Variants in TMEM74 observed in about 807,000 individuals in gnomAD.
The protein encoded by TMEM74 is transmembrane protein 74.
Under a neutral mutation model 18.1 loss-of-function variants are expected in TMEM74, and 13 were observed. That is an observed-to-expected ratio of 0.72 (90% confidence interval 0.47 to 1.14). The LOEUF is 1.14. TMEM74 is among the 50% of genes most tolerant of loss of function. The pLI is 0.00. For missense variants in TMEM74, 372 were observed against 375.9 expected (o/e 0.99, Z 0.09); for synonymous variants, 159 against 146.6 (o/e 1.08, Z -0.61).
At position 108,718,316 on chromosome 8, in the gene TMEM74, G is replaced by A. The variant is rs150684968; in HGVS notation, n.120-62879C>T. On this transcript the variant is annotated intron_variant and non_coding_transcript_variant, in intron 1 of 3. Transcript: ENST00000518838. ...TGTACTGTGAATAGATGAAAGAGTG[G>A]TACCAGTTAGAAAAATATGCAGTGT... is the stretch of plus-strand genomic sequence containing the variant. 4.1e-3 allele frequency among the ~76,000 whole-genome samples: 623 copies of A among 152,118 alleles called. 7 individuals are homozygous for A. Among genetic ancestry groups the A allele is most frequent in the African/African-American group, 0.014 (588 of 41,468 alleles).
intron 1 of TMEM74, among the ~76,000 whole-genome samples, chr8:108,736,754 C>T (rs369161029): frequency 3.3e-4 from 50 of 152,180 alleles, no homozygotes; most frequent in African/African-American, 1.2e-3. Flanking sequence ...TTCACCACAC[C>T]TCTATTTACC....
chr8:108,734,159 T>TA lies in TMEM74; in HGVS notation n.119+53316dup, dbSNP rs1055668014. On this transcript the variant is annotated intron_variant and non_coding_transcript_variant, in intron 1 of 3. Transcript: ENST00000518838. The stretch of plus-strand genomic sequence containing the variant: ...CCAGTTAGCAGGAGGCCTGAATAGA[T>TA]AAAAAGGCAGAGGAAAGATGAATTC... Among the ~76,000 whole-genome samples, 21 of 152,054 alleles carry TA rather than the reference T, an allele frequency of 1.4e-4. 1 individual carries two copies. Among genetic ancestry groups the TA allele is most frequent in the Non-Finnish European group, 3.1e-4 (21 of 68,016 alleles).
chr8:108,634,223 T>TA (rs959343767), intron 2 of TMEM74, among the ~76,000 whole-genome samples: 1 of 151,748 alleles, frequency 6.6e-6, no homozygotes, highest in Non-Finnish European at 1.5e-5. Flanking sequence ...GAAGCCACAA[T>TA]AAAAAACTCT....
intron 1 of TMEM74, among the ~76,000 whole-genome samples, chr8:108,737,015 T>C (rs910105670): frequency 1.3e-5 from 2 of 152,148 alleles, no homozygotes; most frequent in African/African-American, 2.4e-5. Context: ...CGTTTAACTT[T>C]ATAAAATAGA....
chr8:108,730,421 G>C (rs1236503553), intron 1 of TMEM74, among the ~76,000 whole-genome samples: 1 of 151,980 alleles, frequency 6.6e-6, no homozygotes, highest in South Asian at 2.1e-4. Context: ...ACTGCCTCTC[G>C]TCGACACAAT....
chr8:108,776,773 G>A (rs1586294487), downstream of TMEM74, among the ~76,000 whole-genome samples: 6 of 151,924 alleles, frequency 3.9e-5, no homozygotes, highest in African/African-American at 1.4e-4. Context: ...TGAAGGAAGG[G>A]AGGAGAGAAA....
At chr8:108,641,667 T>C (rs2130562219) in intron 2 of TMEM74, among the ~76,000 whole-genome samples, 1 of 152,298 alleles carries the variant, frequency 6.6e-6, no homozygotes, top group South Asian at 2.1e-4. Context: ...GTGAGCAGAC[T>C]TGTGGGACAG....
intron 1 of TMEM74, among the ~76,000 whole-genome samples, chr8:108,657,804 C>A (rs1314168387): frequency 7.7e-6 from 1 of 130,158 alleles, no homozygotes; most frequent in African/African-American, 3.0e-5. Flanking sequence ...GATCGTGCCA[C>A]TGCACTGTAG....
chr8:108,689,291 G>A (rs1304618733), intron 1 of TMEM74, among the ~76,000 whole-genome samples: 1 of 152,156 alleles, frequency 6.6e-6, no homozygotes, highest in East Asian at 1.9e-4. Flanking sequence ...CCTTCTTACA[G>A]AGAAAGGGTT....
intron 1 of TMEM74, among the ~76,000 whole-genome samples, chr8:108,681,521 A>G (rs950489947): frequency 2.6e-4 from 39 of 152,308 alleles, no homozygotes; most frequent in Non-Finnish European, 4.7e-4. Flanking sequence ...TTAATTCAAG[A>G]TGGATTAAGT....
chr8:108,666,834 A>G (rs1812953886), intron 1 of TMEM74, among the ~76,000 whole-genome samples: 1 of 152,150 alleles, frequency 6.6e-6, no homozygotes, highest in Non-Finnish European at 1.5e-5. Flanking sequence ...CCACATGAGG[A>G]AATTTAGCAT....
chr8:108,621,174 G>A (rs1812436699), intron 2 of TMEM74, among the ~76,000 whole-genome samples: 1 of 152,172 alleles, frequency 6.6e-6, no homozygotes, highest in Admixed American at 6.5e-5. Flanking sequence ...AAAACACAGG[G>A]AGGAACTTGG....
chr8:108,619,561 C>G (rs1217093241), intron 2 of TMEM74, among the ~76,000 whole-genome samples: 1 of 152,152 alleles, frequency 6.6e-6, no homozygotes, highest in Non-Finnish European at 1.5e-5. Flanking sequence ...TGCTTTTTCT[C>G]TCTGTATGTG....
intron 1 of TMEM74, among the ~76,000 whole-genome samples, chr8:108,699,943 C>CA (rs1368025814): frequency 2.6e-5 from 4 of 152,168 alleles, no homozygotes; most frequent in African/African-American, 9.7e-5. Context: ...ATAAGCATAA[C>CA]ATAGAGACTT....
chr8:108,654,679 C>G (rs1812804281), intron 2 of TMEM74, among the ~76,000 whole-genome samples: 1 of 151,976 alleles, frequency 6.6e-6, no homozygotes, highest in South Asian at 2.1e-4. Context: ...ATAAAAATTG[C>G]ATTCTAATTA....
intron 1 of TMEM74, among the ~76,000 whole-genome samples, chr8:108,740,672 A>C (rs1267847397): frequency 6.6e-6 from 1 of 152,156 alleles, no homozygotes; most frequent in Non-Finnish European, 1.5e-5. Flanking sequence ...TCCCATTATT[A>C]TTACATCTGT....
intron 1 of TMEM74, among the ~76,000 whole-genome samples, chr8:108,752,071 A>G (rs1813909545): frequency 6.8e-6 from 1 of 146,308 alleles, no homozygotes; most frequent in Non-Finnish European, 1.5e-5. Flanking sequence ...GAATGAATGA[A>G]TGACAACCCT....
At chr8:108,666,994 A>T (rs1312675662) in intron 1 of TMEM74, among the ~76,000 whole-genome samples, 3 of 152,160 alleles carry the variant, frequency 2.0e-5, no homozygotes, top group Admixed American at 6.6e-5. Flanking sequence ...CATTTAAAAT[A>T]GTTAGGTTCA....
At chr8:108,668,488 A>G (rs1812971107) in intron 1 of TMEM74, among the ~76,000 whole-genome samples, 1 of 152,212 alleles carries the variant, frequency 6.6e-6, no homozygotes, top group African/African-American at 2.4e-5. Context: ...CACCAGCTCT[A>G]ACTCTGGTAC....
Sources: allele counts gnomAD v4.1 joint callset (sites outside exome capture counted in the v4.1 genomes callset), GRCh38; gene constraint gnomAD v4.1.1; transcripts MANE v1.5; gene names NCBI Gene and HGNC (gene_info 2026-07-23, HGNC 2026-07-21).